Variants in ATP11C observed in about 807,000 individuals in gnomAD.
ATP11C encodes the protein phospholipid-transporting ATPase IG.
Under a neutral mutation model 97.4 loss-of-function variants are expected in ATP11C, and 36 were observed. That is an observed-to-expected ratio of 0.37 (90% confidence interval 0.28 to 0.49). The LOEUF (loss-of-function observed/expected upper bound fraction) is 0.49. ATP11C is among the 20% of genes least tolerant of loss of function. ATP11C has a pLI of 0.98. For missense variants in ATP11C, 730 were observed against 824.6 expected (o/e 0.89, Z 1.40); for synonymous variants, 275 against 290.9 (o/e 0.95, Z 0.56).
intron 23 of ATP11C, among the ~76,000 whole-genome samples, chrX:139,757,175 G>A (rs1319049414): frequency 2.7e-5 from 3 of 110,700 alleles, no homozygotes; most frequent in African/African-American, 3.3e-5. Context: ...ACTTCTCATA[G>A]ATTAATTATA....
intron 1 of ATP11C, among the ~76,000 whole-genome samples, chrX:139,840,287 T>C (rs1219475059): frequency 1.8e-5 from 2 of 112,357 alleles, no homozygotes; most frequent in Non-Finnish European, 3.8e-5. Context: ...AACAAGGCAG[T>C]GATTATGACA....
intron 28 of ATP11C, among the ~76,000 whole-genome samples, chrX:139,735,773 G>GA (rs1247095652): frequency 5.5e-4 from 53 of 97,018 alleles, no homozygotes; most frequent in Admixed American, 6.7e-4. Flanking sequence ...TTTCTCATAA[G>GA]AAAAAAAAAA....
At chrX:139,927,357 T>G (rs907451041) in intron 1 of ATP11C, among the ~76,000 whole-genome samples, 5 of 111,790 alleles carry the variant, frequency 4.5e-5, no homozygotes, top group Non-Finnish European at 9.4e-5. Flanking sequence ...ATTCCAGCAC[T>G]TTGGGAGGCC....
chrX:139,743,371 G>A (rs748542421), intron 26 of ATP11C, among the ~76,000 whole-genome samples, 188 bp downstream of exon 26: 1 of 110,264 alleles, frequency 9.1e-6, no homozygotes, highest in Admixed American at 9.7e-5. Flanking sequence ...GGAAAAAACT[G>A]ATCAAAAAAT....
intron 6 of ATP11C, among the ~76,000 whole-genome samples, chrX:139,803,988 A>C (rs886772540): frequency 9.0e-6 from 1 of 110,579 alleles, no homozygotes; most frequent in Admixed American, 9.7e-5. Context: ...GGCGTGAGCC[A>C]CCGCACCCAG....
At chrX:139,843,047 T>A (rs1313866508) in intron 1 of ATP11C, among the ~76,000 whole-genome samples, 2 of 112,238 alleles carry the variant, frequency 1.8e-5, no homozygotes, top group Non-Finnish European at 3.8e-5. Flanking sequence ...TGACTCTCCT[T>A]GAAAGTAAAC....
chrX:139,834,072 G>T (rs965696290), intron 1 of ATP11C, among the ~76,000 whole-genome samples: 1 of 112,208 alleles, frequency 8.9e-6, no homozygotes, highest in Non-Finnish European at 1.9e-5. Flanking sequence ...TTTATTTAAA[G>T]CAAGAAAGTT....
intron 1 of ATP11C, among the ~76,000 whole-genome samples, chrX:139,839,634 C>T (rs749421888): frequency 9.0e-6 from 1 of 111,614 alleles, no homozygotes; most frequent in Non-Finnish European, 1.9e-5. Context: ...GATGGCTGCA[C>T]AGTACCCTGA....
intron 1 of ATP11C, among the ~76,000 whole-genome samples, chrX:139,900,955 A>G (rs1305538573): frequency 8.9e-6 from 1 of 111,941 alleles, no homozygotes; most frequent in Non-Finnish European, 1.9e-5. Context: ...GAAGCCAGAC[A>G]GTTCCAAAGT....
chrX:139,914,596 T>C (rs1474666477), intron 1 of ATP11C, among the ~76,000 whole-genome samples: 1 of 112,226 alleles, frequency 8.9e-6, no homozygotes, highest in Non-Finnish European at 1.9e-5. Context: ...GTAAAGCAGA[T>C]TGCCCTCCAT....
At chrX:139,834,549 G>C (rs1418190788) in intron 1 of ATP11C, among the ~76,000 whole-genome samples, 2 of 112,092 alleles carry the variant, frequency 1.8e-5, no homozygotes, top group African/African-American at 3.2e-5. Flanking sequence ...ATGCTTAAAA[G>C]AGACTATATA....
chrX:139,770,611 G>A (rs969599138), intron 19 of ATP11C, among the ~76,000 whole-genome samples: 1 of 110,541 alleles, frequency 9.0e-6, no homozygotes, highest in Non-Finnish European at 1.9e-5. Flanking sequence ...CACTAGAGGT[G>A]AGAATGGGGG....
chrX:139,789,449 C>A lies in ATP11C; in HGVS notation c.1246G>T (p.Glu416Ter). The A allele has an allele frequency of 8.3e-7, 1 of 1,204,210 alleles. No individual in the cohort carries two copies. The highest frequency in any genetic ancestry group is 1.1e-6 in the Non-Finnish European group (1 of 891,768). ...CATTCAATGAATTCCATGCTGTTTT[C>A]AGTGAGTGTTCCAGTCTTATCTGTA... is the stretch of plus-strand genomic sequence containing the variant. ...VFTDKTGTLT[E>*]NSMEFIECCI... is the part of the protein sequence containing the mutation. Residue 416 changes from glutamate to a stop codon, truncating the protein, a stop_gained, in exon 13 of 30, where the codon GAA becomes TAA. Coordinates refer to ENST00000682941, the MANE Select transcript of ATP11C (RefSeq NM_001353812.2). LOFTEE classifies it high-confidence loss of function.
At chrX:139,775,457 T>TA (rs1462740269) in intron 18 of ATP11C, among the ~76,000 whole-genome samples, 1 of 111,925 alleles carries the variant, frequency 8.9e-6, no homozygotes, top group Non-Finnish European at 1.9e-5. Context: ...GTTGTCCTCA[T>TA]AAAAAAGATC....
intron 1 of ATP11C, among the ~76,000 whole-genome samples, chrX:139,903,661 T>C (rs989592060): frequency 9.2e-6 from 1 of 108,883 alleles, no homozygotes; most frequent in African/African-American, 3.3e-5. Flanking sequence ...GAGTTTGCTA[T>C]CCCTCTCTCT....
intron 1 of ATP11C, chrX:139,885,342 G>A (rs1478939901): frequency 9.0e-6 from 1 of 110,847 alleles, no homozygotes; most frequent in African/African-American, 3.3e-5. Context: ...TTGTTTGATG[G>A]ACCTCACTTT....
chrX:139,853,271 CAGAG>C (rs984908557), intron 1 of ATP11C, among the ~76,000 whole-genome samples: 3 of 107,305 alleles, frequency 2.8e-5, no homozygotes, highest in African/African-American at 6.9e-5. Context: ...GAAAGACCAG[CAGAG>C]AGAGAGAGAC....
At chrX:139,745,660 C>A in intron 25 of ATP11C, 62 bp downstream of exon 25, 1 of 1,135,449 alleles carries the variant, frequency 8.8e-7, no homozygotes. Context: ...AATCCAGCAC[C>A]TATGGGAAAA....
intron 1 of ATP11C, among the ~76,000 whole-genome samples, chrX:139,836,717 G>A (rs976271771): frequency 1.8e-5 from 2 of 111,266 alleles, no homozygotes; most frequent in African/African-American, 6.6e-5. Context: ...GGTTCTTTCA[G>A]GCTTTTAAGA....
Sources: allele counts gnomAD v4.1 joint callset (sites outside exome capture counted in the v4.1 genomes callset), GRCh38; gene constraint gnomAD v4.1.1; transcripts MANE v1.5; gene names NCBI Gene and HGNC (gene_info 2026-07-23, HGNC 2026-07-21).